MACROD2: variants seen among roughly 807,000 people sequenced by gnomAD.
MACROD2 encodes mono-ADP ribosylhydrolase 2, also known as ADP-ribose glycohydrolase MACROD2.
Under a neutral mutation model 70.4 loss-of-function variants are expected in MACROD2, and 36 were observed. The observed-to-expected ratio is 0.51, with a 90% CI of 0.39 to 0.68. MACROD2 has a LOEUF of 0.68. Ranked by LOEUF, MACROD2 falls within the 30% of genes least tolerant of loss-of-function variation. The probability of loss-of-function intolerance (pLI) is 0.00; values close to 1 mark genes in which losing one functional copy is unlikely to be tolerated. For missense variants in MACROD2, 496 were observed against 538.4 expected, an observed-to-expected ratio of 0.92 and a Z score of 0.78; for synonymous variants, 172 against 178.8, an observed-to-expected ratio of 0.96 and a Z score of 0.30.
intron 6 of MACROD2, among the ~76,000 whole-genome samples, chr20:15,405,003 G>T (rs908277398): frequency 6.6e-6 from 1 of 152,102 alleles, no homozygotes; most frequent in Admixed American, 6.5e-5. Context: ...CCTTAAAAAC[G>T]TTATGCTAGG....
chr20:15,896,960 G>C (rs935221604), intron 10 of MACROD2, among the ~76,000 whole-genome samples: 1 of 152,070 alleles, frequency 6.6e-6, no homozygotes, highest in Non-Finnish European at 1.5e-5. Flanking sequence ...AGCCTGATTA[G>C]TACCAGTTGC....
In MACROD2 at chr20:15,215,252, TTGTGTGTGTGTGTGTG is replaced by T. The variant is rs376439581; in HGVS notation, c.419-14658_419-14643del. On this transcript the variant is annotated intron_variant, in intron 5 of 17. Coordinates refer to ENST00000684519, the MANE Select transcript of MACROD2 (RefSeq NM_001351661.2). Reference sequence around the variant, plus strand: ...TTTTTTCTCCTTTTTCTCCTGTATTTTGTGTGTGTGTGTGTGTGTGTGTGTGTGTGTGTGTGTGTGT... The same window carrying T: ...TTTTTTCTCCTTTTTCTCCTGTATTTTGTGTGTGTGTGTGTGTGTGTGTGT... Among the ~76,000 whole-genome samples the T allele has an allele frequency of 9.4e-3, 1,269 of 135,548 alleles. 8 individuals carry two copies. Among genetic ancestry groups the T allele is most frequent in the South Asian group, 0.012 (48 of 4,046 alleles). 88.9% of individuals were successfully genotyped at this position (135,548 alleles called of 152,430 possible).
intron 6 of MACROD2, among the ~76,000 whole-genome samples, chr20:15,404,329 G>T (rs1447299382): frequency 6.6e-6 from 1 of 152,032 alleles, no homozygotes; most frequent in Non-Finnish European, 1.5e-5. Flanking sequence ...TATTTTAAGG[G>T]AATCTTATTG....
At chr20:14,559,333 A>G (rs1379268750) in intron 4 of MACROD2, among the ~76,000 whole-genome samples, 2 of 142,616 alleles carry the variant, frequency 1.4e-5, no homozygotes, top group Non-Finnish European at 3.0e-5. Context: ...ATTTACACAA[A>G]TAATTTATTT....
At chr20:15,716,620 T>C (rs1272501352) in intron 8 of MACROD2, among the ~76,000 whole-genome samples, 1 of 152,210 alleles carries the variant, frequency 6.6e-6, no homozygotes, top group East Asian at 1.9e-4. Flanking sequence ...TAAAAAACTT[T>C]TTTTGTTGAG....
intron 4 of MACROD2, among the ~76,000 whole-genome samples, chr20:14,639,280 T>A (rs1984962951): frequency 6.6e-6 from 1 of 152,176 alleles, no homozygotes; most frequent in African/African-American, 2.4e-5. Context: ...ATATAGAGTT[T>A]ACCTTTAAAG....
chr20:15,493,434 G>A (rs1409905260), intron 7 of MACROD2, among the ~76,000 whole-genome samples: 1 of 152,088 alleles, frequency 6.6e-6, no homozygotes, highest in Non-Finnish European at 1.5e-5. Flanking sequence ...TCTATGATAT[G>A]GTAATCTATA....
At chr20:14,036,298 C>T (rs1236479057) in intron 2 of MACROD2, among the ~76,000 whole-genome samples, 2 of 152,204 alleles carry the variant, frequency 1.3e-5, no homozygotes, top group Admixed American at 1.3e-4. Flanking sequence ...ATTCCTAGCA[C>T]AATGCCTGGA....
intron 5 of MACROD2, among the ~76,000 whole-genome samples, chr20:15,194,012 A>G (rs13044268): frequency 0.79 from 119,952 of 151,672 alleles, 47,785 homozygotes; most frequent in East Asian, 0.96. Flanking sequence ...TTGGGAGGCC[A>G]AGGCAGGCAG....
intron 8 of MACROD2, among the ~76,000 whole-genome samples, chr20:15,801,626 A>C (rs1047064614): frequency 6.6e-6 from 1 of 152,026 alleles, no homozygotes; most frequent in Non-Finnish European, 1.5e-5. Flanking sequence ...TTTTGAAGTG[A>C]GATTGTATGA....
At chr20:14,840,817 A>G (rs1415868584) in intron 5 of MACROD2, among the ~76,000 whole-genome samples, 1 of 152,008 alleles carries the variant, frequency 6.6e-6, no homozygotes, top group African/African-American at 2.4e-5. Flanking sequence ...GTTCTATAAT[A>G]TTTTATCATG....
intron 5 of MACROD2, among the ~76,000 whole-genome samples, chr20:15,149,487 G>A (rs2076253477): frequency 3.8e-5 from 1 of 26,234 alleles, no homozygotes; most frequent in East Asian, 1.6e-3. Context: ...GAATAATGTG[G>A]GAGGTCGGAT....
chr20:15,296,769 G>A (rs2077593437), intron 6 of MACROD2, among the ~76,000 whole-genome samples: 1 of 151,256 alleles, frequency 6.6e-6, no homozygotes, highest in African/African-American at 2.4e-5. Flanking sequence ...TTTCTATGGT[G>A]TTATCAGAAA....
intron 4 of MACROD2, among the ~76,000 whole-genome samples, chr20:14,591,811 C>G (rs1162390946): frequency 6.6e-6 from 1 of 152,108 alleles, no homozygotes; most frequent in Non-Finnish European, 1.5e-5. Context: ...TTATTGAAAG[C>G]CAACCATATA....
intron 6 of MACROD2, among the ~76,000 whole-genome samples, chr20:15,274,033 A>C (rs1165166578): frequency 6.6e-6 from 1 of 152,218 alleles, no homozygotes; most frequent in East Asian, 1.9e-4. Flanking sequence ...CCTTCTATTC[A>C]GGGTGAGGTG....
intron 6 of MACROD2, among the ~76,000 whole-genome samples, chr20:15,233,053 C>A (rs931177209): frequency 2.0e-5 from 3 of 151,710 alleles, no homozygotes; most frequent in Non-Finnish European, 4.4e-5. Flanking sequence ...ACCACCTAGA[C>A]AAATAAATGG....
intron 6 of MACROD2, among the ~76,000 whole-genome samples, chr20:15,276,312 A>C (rs1443583230): frequency 1.3e-5 from 2 of 151,496 alleles, no homozygotes; most frequent in Non-Finnish European, 2.9e-5. Flanking sequence ...AGGTAGGAGA[A>C]GGGCGTGAAC....
At chr20:14,404,323 A>G (rs2083669977) in intron 3 of MACROD2, among the ~76,000 whole-genome samples, 1 of 152,174 alleles carries the variant, frequency 6.6e-6, no homozygotes, top group Admixed American at 6.6e-5. Context: ...ACAAAGCAAG[A>G]GAAGTCAAGA....
At chr20:15,802,039 T>A (rs1332617879) in intron 8 of MACROD2, among the ~76,000 whole-genome samples, 1 of 152,202 alleles carries the variant, frequency 6.6e-6, no homozygotes, top group Admixed American at 6.5e-5. Flanking sequence ...CTAATTTTTA[T>A]ATTAATTTTG....
Sources: gnomAD v4.1 joint callset for allele counts (sites outside exome capture counted in the v4.1 genomes callset) on GRCh38, gnomAD v4.1.1 for gene constraint, MANE v1.5 for transcripts, NCBI Gene and HGNC (gene_info 2026-07-23, HGNC 2026-07-21) for gene names.